Variants in PTCD1 observed in about 807,000 individuals in gnomAD.
The protein encoded by PTCD1 is pentatricopeptide repeat-containing protein 1, mitochondrial.
In PTCD1, 50 loss-of-function variants were observed where a neutral mutation model predicts 53.4. The observed-to-expected ratio is 0.94, with a 90% CI of 0.75 to 1.19. The LOEUF (loss-of-function observed/expected upper bound fraction) is 1.19. PTCD1 is among the 50% of genes most tolerant of loss of function. PTCD1 has a pLI of 0.00. For missense variants in PTCD1, 918 were observed against 904.8 expected, an observed-to-expected ratio of 1.01 and a Z score of -0.19; for synonymous variants, 413 against 394.8, an observed-to-expected ratio of 1.05 and a Z score of -0.55.
chr7:99,425,957 T>A (rs1356648799), intron 5 of PTCD1, among the ~76,000 whole-genome samples: 3 of 152,090 alleles, frequency 2.0e-5, no homozygotes, highest in Non-Finnish European at 4.4e-5. Flanking sequence ...TCCCAGCTAC[T>A]CAGGAGGCTG....
chr7:99,424,955 A>G lies in PTCD1; in HGVS notation c.1577T>C (p.Leu526Pro), dbSNP rs1185345713. 6.2e-7 allele frequency: 1 copy of G among 1,614,188 alleles called. No homozygotes were observed. The highest frequency in any genetic ancestry group is 8.5e-7 in the Non-Finnish European group (1 of 1,180,020). Residue 526 changes from leucine to proline, a missense_variant, in exon 6 of 8, where the codon CTG (leucine) becomes CCG (proline). Transcript: ENST00000292478. ...TCCCAGCTTGCTCTTCTTTCTCACC[A>G]GCGTGTTAAAGAATGTCAGGTCGGC... The part of the protein sequence containing the change: ...VEADLTFFNT[L>P]VRKKSKLGDL...
chr7:99,422,729 G>A (rs189796843), intron 7 of PTCD1, among the ~76,000 whole-genome samples: 6 of 152,302 alleles, frequency 3.9e-5, no homozygotes, highest in South Asian at 2.1e-4. Context: ...TATGTTCAAC[G>A]TGGGGGCCCC....
chr7:99,435,931 TCAGA>T (rs1796450293), intron 1 of PTCD1, among the ~76,000 whole-genome samples: 1 of 134,398 alleles, frequency 7.4e-6, no homozygotes, highest in Non-Finnish European at 1.5e-5. Context: ...AGACTCTGTC[TCAGA>T]AAAAAAAAAA....
In PTCD1 at chr7:99,417,413, C is replaced by T; in HGVS notation, c.*2554G>A. 1.9e-6 allele frequency: 3 copies of T among 1,613,108 alleles called. No individual in the cohort carries two copies. The highest frequency in any genetic ancestry group is 1.7e-6 in the Non-Finnish European group (2 of 1,179,268). On this transcript the variant is annotated 3_prime_UTR_variant, in exon 8 of 8. Transcript: ENST00000292478. ...TTAGACCATGGCCTGATGCTCTTTC[C>T]CCATCTTTTTGACAGAACTCTATGA...
rs537320330 is a variant in PTCD1, at chr7:99,429,668, G to A, written c.733C>T (p.Leu245Phe). 2.5e-6 allele frequency: 4 copies of A among 1,614,222 alleles called. No individual in the cohort carries two copies. Among genetic ancestry groups the A allele is most frequent in the Non-Finnish European group, 3.4e-6 (4 of 1,180,042 alleles). Reference protein sequence around the residue: ...RQQLQAKNFELNLKTYHALLK... With the variant: ...RQQLQAKNFEFNLKTYHALLK... ...AGCGCGTGGTATGTTTTCAAGTTGA[G>A]CTCGAAGTTTTTGGCCTGCAGCTGC... Residue 245 changes from leucine (L) to phenylalanine (F), a missense_variant, in exon 4 of 8, where the codon CTC (leucine) becomes TTC (phenylalanine). Coordinates refer to ENST00000292478, the MANE Select transcript of PTCD1 (RefSeq NM_015545.4).
In PTCD1 at chr7:99,418,167, A is replaced by G. The variant is rs1043395448; in HGVS notation, c.*1800T>C. 2.3e-5 allele frequency: 5 copies of G among 217,694 alleles called. No homozygotes were observed. The highest frequency in any genetic ancestry group is 5.5e-5 in the Admixed American group (1 of 18,152). 13.5% of individuals were successfully genotyped at this position (217,694 alleles called of 1,614,324 possible). ...TTTTTAGTAGAGACGGGGTTTCTCA[A>G]TGTTGCTCAGGCTGGTCTCGAACTC... On this transcript the variant is annotated 3_prime_UTR_variant, in exon 8 of 8. Coordinates refer to ENST00000292478, the MANE Select transcript of PTCD1 (RefSeq NM_015545.4).
intron 2 of PTCD1, 146 bp downstream of exon 2, chr7:99,434,644 G>GC: frequency 1.0e-6 from 1 of 995,428 alleles, no homozygotes; most frequent in South Asian, 1.3e-5. Flanking sequence ...GATGGCAAAG[G>GC]GTTGCGATAC....
At position 99,423,819 on chromosome 7, in the gene PTCD1, G is replaced by A. The variant is rs547177113; in HGVS notation, c.1876C>T (p.Arg626Cys). ...NRVPVNEVVIRQLEFAAQYPP... is the reference protein window; with the variant it reads ...NRVPVNEVVICQLEFAAQYPP... ...TACTGGGCTGCAAACTCCAGCTGGCGGATGACCACTTCGTTCACCGGGACC... is the reference window on the plus strand; with the variant it reads ...TACTGGGCTGCAAACTCCAGCTGGCAGATGACCACTTCGTTCACCGGGACC... The change falls in exon 7 of 8, where the codon CGC becomes TGC. Residue 626 changes from arginine to cysteine, a missense_variant. Arg to Cys is a radical substitution (Grantham distance 180). Coordinates refer to ENST00000292478, the MANE Select transcript of PTCD1 (RefSeq NM_015545.4). 92 of 1,614,174 alleles carry A rather than the reference G, an allele frequency of 5.7e-5. No homozygotes were observed. The South Asian group carries it at 7.7e-4, about 13-fold the overall frequency.
At position 99,417,604 on chromosome 7, in the gene PTCD1, T is replaced by C; in HGVS notation, c.*2363A>G. 6.2e-7 allele frequency: 1 copy of C among 1,610,404 alleles called. No homozygotes were observed. Among genetic ancestry groups the C allele is most frequent in the Non-Finnish European group, 8.5e-7 (1 of 1,179,988 alleles). ...AAAGCAAGCTGGAAGTGGTAATGTC[T>C]GACACTCAAGCTTGGTGTTGTTTTC... On this transcript the variant is annotated 3_prime_UTR_variant, in exon 8 of 8. Transcript: ENST00000292478.
At position 99,417,984 on chromosome 7, in the gene PTCD1, C is replaced by T. The variant is rs972078629; in HGVS notation, c.*1983G>A. ...TACCATCACTATCTTTCCCGCCCCCCCAAGACGGAGTCTTGCTTTGTCGCC... is the reference window on the plus strand; with the variant it reads ...TACCATCACTATCTTTCCCGCCCCCTCAAGACGGAGTCTTGCTTTGTCGCC... On this transcript the variant is annotated 3_prime_UTR_variant, in exon 8 of 8. Transcript: ENST00000292478. 10 of 1,174,092 alleles carry T rather than the reference C, an allele frequency of 8.5e-6. No individual in the cohort carries two copies. Among genetic ancestry groups the T allele is most frequent in the Admixed American group, 4.2e-5 (1 of 23,848 alleles). The allele number at this position is 1,174,092 out of a possible 1,614,324, so 72.7% of individuals were successfully genotyped here.
intron 7 of PTCD1, among the ~76,000 whole-genome samples, chr7:99,421,473 G>C (rs1161028849): frequency 6.6e-6 from 1 of 150,538 alleles, no homozygotes; most frequent in African/African-American, 2.4e-5. Flanking sequence ...GGCACGGCAT[G>C]GGGGCTCACA....
Position 99,435,677 on chromosome 7 carries a change from C to A in PTCD1, c.-26-409G>T, listed in dbSNP as rs557363577. ...AAAGAAAGAAAGAAAAAGAACAGGCCAGGGGCGGTGGCTCATGCCTGCACT... is the reference window on the plus strand; with the variant it reads ...AAAGAAAGAAAGAAAAAGAACAGGCAAGGGGCGGTGGCTCATGCCTGCACT... On this transcript the variant is annotated intron_variant, in intron 1 of 7. Coordinates refer to ENST00000292478, the MANE Select transcript of PTCD1 (RefSeq NM_015545.4). 2.5e-4 allele frequency among the ~76,000 whole-genome samples: 37 copies of A among 150,396 alleles called. No homozygotes were observed. The East Asian group carries it at 6.8e-3, about 28-fold the overall frequency.
At chr7:99,438,178 C>T (rs531851052) in intron 1 of PTCD1, among the ~76,000 whole-genome samples, 82 of 152,252 alleles carry the variant, frequency 5.4e-4, no homozygotes, top group African/African-American at 1.9e-3. Context: ...AATTCCAGCA[C>T]TTTGGGAGGC....
In PTCD1 at chr7:99,420,018, G is replaced by A. The variant is rs199687544; in HGVS notation, c.2052C>T (p.Asp684=). 1.9e-6 allele frequency: 3 copies of A among 1,614,102 alleles called. No homozygotes were observed. The highest frequency in any genetic ancestry group is 1.3e-5 in the African/African-American group (1 of 74,938). The change falls in exon 8 of 8, where the codon GAC becomes GAT. Residue 684 remains aspartate, a synonymous_variant. Coordinates refer to ENST00000292478, the MANE Select transcript of PTCD1 (RefSeq NM_015545.4). The part of the protein sequence containing the change: ...WQKFRTKPQG[D]QDTGKEADDG... ...CATCAGCCTCCTTGCCGGTGTCCTG[G>A]TCCCCCTGGGGCTTGGTCCGGAACT...
intron 5 of PTCD1, among the ~76,000 whole-genome samples, chr7:99,427,296 G>C (rs1354863168): frequency 7.0e-6 from 1 of 141,896 alleles, no homozygotes; most frequent in East Asian, 2.2e-4. Flanking sequence ...CCCCGTCCAG[G>C]AGGGAGGTGG....
At chr7:99,432,444 T>C (rs1796295440) in intron 3 of PTCD1, among the ~76,000 whole-genome samples, 1 of 152,188 alleles carries the variant, frequency 6.6e-6, no homozygotes, top group South Asian at 2.1e-4. Context: ...CTTAAACTTA[T>C]TTATGACACA....
chr7:99,417,653 ACTGCAAG>A lies in PTCD1; in HGVS notation c.*2307_*2313del, dbSNP rs1562833699. 3 of 1,597,060 alleles carry A rather than the reference ACTGCAAG, an allele frequency of 1.9e-6. No individual in the cohort carries two copies. The highest frequency in any genetic ancestry group is 2.5e-6 in the Non-Finnish European group (3 of 1,177,244). On this transcript the variant is annotated 3_prime_UTR_variant, in exon 8 of 8. Transcript: ENST00000292478. The stretch of plus-strand genomic sequence containing the variant: ...TCAGCTCAAAATTCTGCCTTAGTCG[ACTGCAAG>A]GGATCTTATGTTATTTGGTTGGGCT...
intron 3 of PTCD1, among the ~76,000 whole-genome samples, chr7:99,431,796 T>C (rs903884660): frequency 1.8e-4 from 28 of 152,118 alleles, no homozygotes; most frequent in Non-Finnish European, 4.0e-4. Context: ...ACTGTGTCTA[T>C]GTAGAAAGAA....
intron 7 of PTCD1, among the ~76,000 whole-genome samples, chr7:99,422,876 A>C (rs1795877355): frequency 1.3e-5 from 2 of 152,032 alleles, no homozygotes; most frequent in African/African-American, 4.8e-5. Flanking sequence ...TGGTCCAACT[A>C]ATCTTTTGCG....
Sources: gnomAD v4.1 joint callset for allele counts (sites outside exome capture counted in the v4.1 genomes callset) on GRCh38, gnomAD v4.1.1 for gene constraint, MANE v1.5 for transcripts, NCBI Gene and HGNC (gene_info 2026-07-23, HGNC 2026-07-21) for gene names.